Variants in PLEKHM1 observed in about 807,000 individuals in gnomAD.
PLEKHM1 encodes pleckstrin homology and RUN domain containing M1, also known as pleckstrin homology domain-containing family M member 1.
In PLEKHM1, 28 loss-of-function variants were observed where a neutral mutation model predicts 94.3. That is an observed-to-expected ratio of 0.30 (90% CI 0.22 to 0.41). PLEKHM1 has a LOEUF of 0.41. Ranked by LOEUF, PLEKHM1 falls within the 10% of genes least tolerant of loss-of-function variation. PLEKHM1 has a pLI of 1.00. For missense variants in PLEKHM1, 907 were observed against 1,358.6 expected (o/e 0.67, Z 5.22); for synonymous variants, 424 against 581.2 (o/e 0.73, Z 3.89).
Position 45,439,594 on chromosome 17 carries a change from A to G in PLEKHM1, c.2942T>C (p.Ile981Thr), listed in dbSNP as rs1256757958. 6 of 1,614,068 alleles carry G rather than the reference A, an allele frequency of 3.7e-6. No individual in the cohort carries two copies. In the African/African-American group the frequency reaches 5.3e-5, roughly 14 times the overall value. The change falls in exon 11 of 12, where the codon ATT (isoleucine) becomes ACT (threonine). Residue 981 changes from isoleucine to threonine, a missense_variant. Physicochemically the swap from Ile to Thr is moderately conservative, Grantham distance 89. Coordinates refer to ENST00000430334, the MANE Select transcript of PLEKHM1 (RefSeq NM_014798.3). The part of the protein sequence containing the change: ...GVYEGFLKAL[I>T]EFASQHVYHC... ...GTAGACATGCTGGGAGGCAAATTCA[A>G]TCAGGGCCTTGAGGAATCCTTCATA...
rs531545360 is a variant in PLEKHM1, at chr17:45,442,606, T to G, written c.2838-2380A>C. Among the ~76,000 whole-genome samples the G allele has an allele frequency of 6.6e-5, 10 of 152,326 alleles. No homozygotes were observed. The East Asian group carries it at 1.2e-3, about 18-fold the overall frequency. On this transcript the variant is annotated intron_variant, in intron 9 of 11. Coordinates refer to ENST00000430334, the MANE Select transcript of PLEKHM1 (RefSeq NM_014798.3). ...TTTTAGTAGAGACGGGGTTTCACTA[T>G]GTTGGCCAGGCTGGTCTCAAAATCC...
intron 11 of PLEKHM1, 50 bp downstream of exon 11, chr17:45,439,427 G>A: frequency 6.2e-7 from 1 of 1,605,298 alleles, no homozygotes; most frequent in South Asian, 1.1e-5. Flanking sequence ...CAGGCTGTGG[G>A]TGTGGGGAAG....
chr17:45,490,081 A>G (rs1325964787), intron 1 of PLEKHM1, among the ~76,000 whole-genome samples: 3 of 152,132 alleles, frequency 2.0e-5, no homozygotes, highest in African/African-American at 7.2e-5. Context: ...AGTTATCCAG[A>G]AGAAAGCGGT....
At chr17:45,480,180 C>T (rs1484593821) in intron 2 of PLEKHM1, among the ~76,000 whole-genome samples, 1 of 152,134 alleles carries the variant, frequency 6.6e-6, no homozygotes, top group African/African-American at 2.4e-5. Flanking sequence ...ATCACCACTA[C>T]CTAATTTTAG....
rs141766043 is a variant in PLEKHM1, at chr17:45,481,932, C to T, written c.48+505G>A. 6.6e-3 allele frequency among the ~76,000 whole-genome samples: 1,010 copies of T among 152,264 alleles called. 2 individuals carry two copies. The highest frequency in any genetic ancestry group is 0.01 in the Non-Finnish European group (707 of 68,026). ...TGCCTCTCCAAGAGAACAGAGAGCTCTATCTGGAGTACCCAAGATAGCCCA... is the reference window on the plus strand; with the variant it reads ...TGCCTCTCCAAGAGAACAGAGAGCTTTATCTGGAGTACCCAAGATAGCCCA... On this transcript the variant is annotated intron_variant, in intron 2 of 11. Transcript: ENST00000430334.
chr17:45,475,562 A>G lies in PLEKHM1; in HGVS notation c.461T>C (p.Leu154Pro). The part of the protein sequence containing the change: ...RLHEYYQPTA[L>P]LRDAEEGEFL... ...CTCGCCCTCCTCAGCATCCCGGAGC[A>G]GGGCGGTGGGCTGGTAGTACTCATG... Residue 154 changes from leucine to proline, a missense_variant, in exon 4 of 12, where the codon CTG becomes CCG. By Grantham distance (98) the Leu-to-Pro change is moderately conservative. Around this residue, in one of 3 missense-constraint regions of PLEKHM1, gnomAD observed 176 missense variants for 306.0 expected, o/e 0.58. Coordinates refer to ENST00000430334, the MANE Select transcript of PLEKHM1 (RefSeq NM_014798.3). The G allele has an allele frequency of 1.9e-6, 3 of 1,613,486 alleles. No individual in the cohort carries two copies. Among genetic ancestry groups the G allele is most frequent in the South Asian group, 2.2e-5 (2 of 91,062 alleles).
Position 45,445,448 on chromosome 17 carries a change from C to T in PLEKHM1, c.2837+22G>A. On this transcript the variant is annotated intron_variant, in intron 9 of 11. Coordinates refer to ENST00000430334, the MANE Select transcript of PLEKHM1 (RefSeq NM_014798.3). This position sits in a 1 kb window ranked among gnomAD's most constrained non-coding sequence, Gnocchi z 4.2. ...GTGCGTGTGTACGTGCACTCACACG[C>T]ATACACGTAGAGGTTGCTCACCTCT... 3.7e-6 allele frequency: 6 copies of T among 1,600,900 alleles called. No individual in the cohort carries two copies. Among genetic ancestry groups the T allele is most frequent in the Non-Finnish European group, 5.1e-6 (6 of 1,168,212 alleles).
chr17:45,480,491 C>CA (rs141661285), intron 2 of PLEKHM1, among the ~76,000 whole-genome samples: 22 of 113,438 alleles, frequency 1.9e-4, no homozygotes, highest in East Asian at 2.0e-4. Context: ...CTCAAAAAAA[C>CA]AAAAAAACAA....
chr17:45,464,252 C>T (rs1227816681), intron 5 of PLEKHM1, among the ~76,000 whole-genome samples: 2 of 152,134 alleles, frequency 1.3e-5, no homozygotes, highest in Admixed American at 1.3e-4. Flanking sequence ...AATGTCTGTC[C>T]CCAAAGGGCC....
intron 4 of PLEKHM1, among the ~76,000 whole-genome samples, chr17:45,471,163 T>C (rs1469846704): frequency 6.6e-6 from 1 of 151,974 alleles, no homozygotes; most frequent in Admixed American, 6.6e-5. Context: ...CCAAAGAAGA[T>C]ATCCAAATGT....
chr17:45,437,740 T>G lies in PLEKHM1; in HGVS notation c.*118A>C, dbSNP rs1481621987. Reference sequence around the variant, plus strand: ...GGTGCTCTGGCCACATCTGAGGGTCTTCCTGACAAGGGGACACAGCTGTGA... The same window carrying G: ...GGTGCTCTGGCCACATCTGAGGGTCGTCCTGACAAGGGGACACAGCTGTGA... On this transcript the variant is annotated 3_prime_UTR_variant, in exon 12 of 12. Coordinates refer to ENST00000430334, the MANE Select transcript of PLEKHM1 (RefSeq NM_014798.3). The surrounding 1 kb of genome is among the most constrained non-coding windows in gnomAD (Gnocchi z 4.0). 2.4e-6 allele frequency: 2 copies of G among 842,618 alleles called. No individual in the cohort carries two copies. The highest frequency in any genetic ancestry group is 4.0e-6 in the Non-Finnish European group (2 of 496,620). The allele number at this position is 842,618 out of a possible 1,614,324, so 52.2% of individuals were successfully genotyped here.
At chr17:45,439,248 AGG>A (rs1300826436) in intron 11 of PLEKHM1, among the ~76,000 whole-genome samples, 1 of 152,230 alleles carries the variant, frequency 6.6e-6, no homozygotes, top group Non-Finnish European at 1.5e-5. Context: ...ATAGAGGCAG[AGG>A]AGTCCTGGGA....
intron 8 of PLEKHM1, chr17:45,448,026 A>C (rs1567768716): frequency 6.6e-6 from 1 of 151,924 alleles, no homozygotes. Context: ...TCAACTCCCG[A>C]CCTCAGGTGA....
intron 1 of PLEKHM1, among the ~76,000 whole-genome samples, chr17:45,486,205 A>G (rs989533733): frequency 6.8e-6 from 1 of 147,154 alleles, no homozygotes; most frequent in Non-Finnish European, 1.5e-5. Flanking sequence ...CGACAGAGAG[A>G]GACTCCGTCT....
chr17:45,470,300 C>T (rs2051456594), intron 4 of PLEKHM1, among the ~76,000 whole-genome samples: 1 of 152,258 alleles, frequency 6.6e-6, no homozygotes, highest in Non-Finnish European at 1.5e-5. Flanking sequence ...GTATAAACTT[C>T]ATGTCTTTGG....
At chr17:45,463,019 T>A (rs1251238742) in intron 5 of PLEKHM1, among the ~76,000 whole-genome samples, 1 of 148,418 alleles carries the variant, frequency 6.7e-6, no homozygotes, top group South Asian at 2.2e-4. Context: ...GAGGCAGAGG[T>A]TGCAGTGAGC....
chr17:45,435,374 T>C (rs547349141), downstream of PLEKHM1, among the ~76,000 whole-genome samples: 24 of 152,346 alleles, frequency 1.6e-4, 1 homozygote, highest in South Asian at 4.3e-3. Context: ...AGGGGTCCCC[T>C]GGGCTTCTCC....
chr17:45,486,307 G>A (rs1259028986), intron 1 of PLEKHM1, among the ~76,000 whole-genome samples: 4 of 151,146 alleles, frequency 2.6e-5, no homozygotes, highest in African/African-American at 9.7e-5. Context: ...AGCTGGCTGG[G>A]CGCGGTGGCT....
At position 45,436,018 on chromosome 17, in the gene PLEKHM1, T is replaced by C. The variant is rs1351899822; in HGVS notation, c.*1840A>G. ...GCCCTGCTCACTAGGAACAGTGTAT[T>C]GCATAAAATAACATTTTAAAAATAG... On this transcript the variant is annotated 3_prime_UTR_variant, in exon 12 of 12. Transcript: ENST00000430334. 1 of 456,672 alleles carries C rather than the reference T, an allele frequency of 2.2e-6. No individual in the cohort carries two copies. The highest frequency in any genetic ancestry group is 6.9e-5 in the East Asian group (1 of 14,400). The allele number at this position is 456,672 out of a possible 1,614,324, so 28.3% of individuals were successfully genotyped here.
Sources: allele counts gnomAD v4.1 joint callset (sites outside exome capture counted in the v4.1 genomes callset), GRCh38; gene constraint gnomAD v4.1.1; regional missense constraint gnomAD v4.1.1; non-coding constraint Gnocchi (gnomAD v3.1); transcripts MANE v1.5; gene names NCBI Gene and HGNC (gene_info 2026-07-23, HGNC 2026-07-21).